Variants in STK10 observed in about 807,000 individuals in gnomAD.
The protein encoded by STK10 is serine/threonine-protein kinase 10.
A neutral mutation model predicts 113.8 loss-of-function variants in STK10; 78 were observed. That is an observed-to-expected ratio of 0.69 (90% CI 0.57 to 0.83). The LOEUF is 0.83. STK10 is among the 40% of genes least tolerant of loss of function. The probability of loss-of-function intolerance (pLI) is 0.00; values close to 1 mark genes in which losing one functional copy is unlikely to be tolerated. For synonymous variants in STK10, 465 were observed against 494.7 expected (o/e 0.94, Z 0.80); for missense variants, 1,109 against 1,280.1 (o/e 0.87, Z 2.04).
At chr5:172,151,214 A>G (rs1290748251) in intron 2 of STK10, among the ~76,000 whole-genome samples, 1 of 152,142 alleles carries the variant, frequency 6.6e-6, no homozygotes, top group Admixed American at 6.5e-5. Context: ...TCCCCATTCT[A>G]CAGTTGAGAA....
In STK10 at chr5:172,054,659, C is replaced by T. The variant is rs1767706628; in HGVS notation, c.2562G>A (p.Glu854=). The T allele has an allele frequency of 6.2e-7, 1 of 1,611,002 alleles. No individual in the cohort carries two copies. Among genetic ancestry groups the T allele is most frequent in the African/African-American group, 1.3e-5 (1 of 75,062 alleles). The change falls in exon 17 of 19, where the codon GAG becomes GAA. Residue 854 remains glutamate (E), a synonymous_variant. Coordinates refer to ENST00000176763, the MANE Select transcript of STK10 (RefSeq NM_005990.4). ...CGTGTTTCTGCTGTTGCTGCAGCCG[C>T]TCCGACTTCTGCCTCTTCTCCTCCT... ...SQQEEKRQKS[E]RLQQQQKHEN... is the part of the protein sequence containing the mutation.
At chr5:172,096,778 G>C (rs1265074634) in intron 7 of STK10, among the ~76,000 whole-genome samples, 3 of 152,170 alleles carry the variant, frequency 2.0e-5, no homozygotes, top group Non-Finnish European at 2.9e-5. Flanking sequence ...GTGACCTTGA[G>C]CATGTCACTT....
rs750512064 is a variant in STK10, at chr5:172,057,365, A to G, written c.2321T>C (p.Leu774Pro). The G allele has an allele frequency of 2.5e-6, 4 of 1,575,058 alleles. No homozygotes were observed. Among genetic ancestry groups the G allele is most frequent in the South Asian group, 1.2e-5 (1 of 86,510 alleles). The change falls in exon 15 of 19, where the codon CTG (leucine) becomes CCG (proline). Residue 774 changes from leucine (L) to proline (P), a missense_variant. By Grantham distance (98) the Leu-to-Pro change is moderately conservative. Transcript: ENST00000176763. ...CAGCCTCACCTTCTCATGCTTGCGC[A>G]GCAGCTCGTGCCGCTGGAGGAAGTA... ...DQYFLQRHEL[L>P]RKHEKEREQM...
intron 12 of STK10, among the ~76,000 whole-genome samples, chr5:172,075,662 A>G (rs1387504712): frequency 6.6e-6 from 1 of 152,214 alleles, no homozygotes; most frequent in Non-Finnish European, 1.5e-5. Flanking sequence ...CCTGGGCGAC[A>G]AGAGCGAAAC....
At chr5:172,111,413 C>T (rs189655941) in intron 4 of STK10, among the ~76,000 whole-genome samples, 147 of 152,316 alleles carry the variant, frequency 9.7e-4, no homozygotes, top group African/African-American at 3.3e-3. Flanking sequence ...CCGTAGGTCC[C>T]CAGGGCCTCC....
At chr5:172,063,080 A>C (rs1561792325) in intron 13 of STK10, among the ~76,000 whole-genome samples, 1 of 151,968 alleles carries the variant, frequency 6.6e-6, no homozygotes, top group Non-Finnish European at 1.5e-5. Flanking sequence ...TGAAACCCTA[A>C]CTCTATTAAA....
chr5:172,063,977 C>G (rs1168909879), intron 13 of STK10, among the ~76,000 whole-genome samples: 1 of 152,096 alleles, frequency 6.6e-6, no homozygotes, highest in South Asian at 2.1e-4. Flanking sequence ...GGCCAGGGCA[C>G]AGCAAAGAGG....
chr5:172,167,052 C>T (rs533916299), intron 1 of STK10, among the ~76,000 whole-genome samples: 3 of 151,314 alleles, frequency 2.0e-5, no homozygotes, highest in South Asian at 2.1e-4. Context: ...CCCAGCTACT[C>T]GGGAGGCTGG....
chr5:172,164,094 C>T (rs1770519410), intron 1 of STK10, among the ~76,000 whole-genome samples: 1 of 151,824 alleles, frequency 6.6e-6, no homozygotes, highest in African/African-American at 2.4e-5. Flanking sequence ...TGCCTGTAAT[C>T]CCAGCTACTC....
chr5:172,161,570 C>G (rs1341161245), intron 1 of STK10, among the ~76,000 whole-genome samples: 2 of 152,176 alleles, frequency 1.3e-5, no homozygotes, highest in Non-Finnish European at 2.9e-5. Context: ...AATTGAGCTG[C>G]AAAGTCCCCA....
intron 2 of STK10, among the ~76,000 whole-genome samples, chr5:172,128,590 C>T (rs990325830): frequency 6.6e-6 from 1 of 152,226 alleles, no homozygotes; most frequent in Non-Finnish European, 1.5e-5. Context: ...CCTGGCCTCC[C>T]AAAGTGCTGG....
At chr5:172,087,344 G>A (rs1036851163) in intron 10 of STK10, among the ~76,000 whole-genome samples, 5 of 151,296 alleles carry the variant, frequency 3.3e-5, no homozygotes, top group African/African-American at 1.2e-4. Context: ...ACACAATCTC[G>A]GCTCACTGCA....
rs1770982164 is a variant in STK10 at position 172,187,785 on chromosome 5, C to A, written c.156+102G>T. ...CAGGGACCCCGAATTCAGCGCCGGG[C>A]AGCCCTCGGAGCCGGAGCCAGGCTG... On this transcript the variant is annotated intron_variant, in intron 1 of 18. Transcript: ENST00000176763. This position sits in a 1 kb window ranked among gnomAD's most constrained non-coding sequence, Gnocchi z 4.6. 2 of 1,499,314 alleles carry A rather than the reference C, an allele frequency of 1.3e-6. No individual in the cohort carries two copies. The highest frequency in any genetic ancestry group is 1.2e-5 in the South Asian group (1 of 81,092). The allele number at this position is 1,499,314 out of a possible 1,614,324, so 92.9% of individuals were successfully genotyped here.
intron 16 of STK10, among the ~76,000 whole-genome samples, chr5:172,054,947 G>T (rs1767712794): frequency 6.6e-6 from 1 of 152,230 alleles, no homozygotes; most frequent in Non-Finnish European, 1.5e-5. Context: ...GAAAGTGTGT[G>T]TAGCAGGCAG....
chr5:172,118,201 T>A (rs1161843992), intron 3 of STK10, among the ~76,000 whole-genome samples: 1 of 152,082 alleles, frequency 6.6e-6, no homozygotes, highest in Non-Finnish European at 1.5e-5. Context: ...TCGCTCAAGG[T>A]CATGCAGGTG....
chr5:172,056,993 A>AAGAG (rs59953300), intron 15 of STK10: 4 of 51,970 alleles, frequency 7.7e-5, no homozygotes, highest in African/African-American at 2.3e-4. Flanking sequence ...GAAAGAAAGA[A>AAGAG]AGAGAAAGAA....
chr5:172,170,408 C>T (rs542481963), intron 1 of STK10, among the ~76,000 whole-genome samples: 4 of 152,280 alleles, frequency 2.6e-5, no homozygotes, highest in African/African-American at 9.6e-5. Flanking sequence ...AACCACTTCC[C>T]AATCAATCAT....
At chr5:172,112,416 C>CTTTTTT (rs1159424183) in intron 4 of STK10, among the ~76,000 whole-genome samples, 35 of 103,036 alleles carry the variant, frequency 3.4e-4, no homozygotes, top group East Asian at 6.1e-4. Context: ...AGGGACCTTA[C>CTTTTTT]TTTTTTTTTT....
At chr5:172,181,668 G>C (rs998301894) in intron 1 of STK10, among the ~76,000 whole-genome samples, 13 of 151,116 alleles carry the variant, frequency 8.6e-5, no homozygotes, top group African/African-American at 2.4e-4. Flanking sequence ...ATTTTTAGTA[G>C]AGAGGGGGTT....
Sources: allele counts gnomAD v4.1 joint callset (sites outside exome capture counted in the v4.1 genomes callset), GRCh38; gene constraint gnomAD v4.1.1; non-coding constraint Gnocchi (gnomAD v3.1); transcripts MANE v1.5; gene names NCBI Gene and HGNC (gene_info 2026-07-23, HGNC 2026-07-21).